The following SOX5 variants were observed in gnomAD, a reference collection of about 807,000 sequenced individuals.
The protein encoded by SOX5 is transcription factor SOX-5.
In SOX5, 9 loss-of-function variants were observed where a neutral mutation model predicts 92.0. That is an observed-to-expected ratio of 0.10 (90% CI 0.06 to 0.17). The LOEUF (loss-of-function observed/expected upper bound fraction) is 0.17. Among genes scored for constraint, SOX5 ranks in the 10% least tolerant of loss-of-function variants. The probability of loss-of-function intolerance (pLI) is 1.00; values close to 1 mark genes in which losing one functional copy is unlikely to be tolerated. For synonymous variants in SOX5, 344 were observed against 336.3 expected (o/e 1.02, Z -0.25); for missense variants, 642 against 944.5 (o/e 0.68, Z 4.20).
chr12:24,086,630 A>G (rs1415638345), intron 4 of SOX5, among the ~76,000 whole-genome samples: 1 of 151,944 alleles, frequency 6.6e-6, no homozygotes, highest in East Asian at 1.9e-4. Flanking sequence ...TACAAACCCA[A>G]TCTTTTGTTT....
At chr12:24,137,231 T>G (rs1950184699) in intron 4 of SOX5, among the ~76,000 whole-genome samples, 1 of 151,504 alleles carries the variant, frequency 6.6e-6, no homozygotes, top group Non-Finnish European at 1.5e-5. Context: ...TAAAGCAAAA[T>G]AATGAATCTA....
At chr12:23,536,791 C>T (rs567931272) in intron 13 of SOX5, 122 bp from the exon 14 acceptor site, 2 of 739,810 alleles carry the variant, frequency 2.7e-6, no homozygotes, top group East Asian at 2.6e-5. Context: ...AATACATAAA[C>T]CTGTTTTTGA....
intron 2 of SOX5, among the ~76,000 whole-genome samples, chr12:24,362,337 C>A (rs1230031697): frequency 6.6e-6 from 1 of 152,184 alleles, no homozygotes; most frequent in African/African-American, 2.4e-5. Flanking sequence ...GTCCCATCAT[C>A]TTTTCACTTG....
chr12:23,718,236 TAAATA>T (rs1004212914), intron 6 of SOX5, among the ~76,000 whole-genome samples: 3 of 152,174 alleles, frequency 2.0e-5, no homozygotes, highest in African/African-American at 7.2e-5. Context: ...ATGAAAAAAA[TAAATA>T]AAATGGTGTA....
intron 8 of SOX5, among the ~76,000 whole-genome samples, chr12:23,632,573 T>C (rs910136263): frequency 9.2e-5 from 14 of 152,134 alleles, no homozygotes; most frequent in African/African-American, 3.4e-4. Context: ...CTGGGAAATA[T>C]GGAGCATTCT....
At chr12:24,120,489 G>A (rs10505936) in intron 4 of SOX5, among the ~76,000 whole-genome samples, 19,291 of 152,084 alleles carry the variant, frequency 0.13, 1,433 homozygotes, top group Admixed American at 0.19. Flanking sequence ...CATACATTTC[G>A]AACTATTCTT....
At chr12:24,375,954 C>T (rs555046438) in intron 1 of SOX5, among the ~76,000 whole-genome samples, 1 of 152,074 alleles carries the variant, frequency 6.6e-6, no homozygotes, top group East Asian at 1.9e-4. Flanking sequence ...TCTTCCCATG[C>T]TATTGAAAAT....
intron 4 of SOX5, among the ~76,000 whole-genome samples, chr12:24,211,961 T>C (rs1247713039): frequency 1.3e-5 from 2 of 152,252 alleles, no homozygotes; most frequent in Non-Finnish European, 2.9e-5. Context: ...GGTTTTAATG[T>C]TTATTTCCAT....
At chr12:24,228,034 C>A (rs547431253) in intron 3 of SOX5, among the ~76,000 whole-genome samples, 1 of 152,184 alleles carries the variant, frequency 6.6e-6, no homozygotes, top group Admixed American at 6.5e-5. Context: ...ATCTGGGGAA[C>A]CGAATGGGTG....
At chr12:23,779,955 C>CTGTGTGTGTGTGTGTG (rs10686652) in intron 3 of SOX5, among the ~76,000 whole-genome samples, 232 of 136,556 alleles carry the variant, frequency 1.7e-3, no homozygotes, top group Middle Eastern at 3.8e-3. Flanking sequence ...CACAGCGAGA[C>CTGTGTGTGTGTGTGTG]TGTGTGTGTG....
chr12:24,528,288 A>T (rs1484343235), intron 1 of SOX5, among the ~76,000 whole-genome samples: 5 of 152,182 alleles, frequency 3.3e-5, no homozygotes, highest in Admixed American at 2.6e-4. Flanking sequence ...TTTTATGGAA[A>T]ATATAAACAG....
At chr12:24,282,630 T>C (rs1022705684) in intron 2 of SOX5, among the ~76,000 whole-genome samples, 3 of 152,158 alleles carry the variant, frequency 2.0e-5, no homozygotes, top group Admixed American at 6.5e-5. Context: ...AGAGATTTTT[T>C]AGTGTTATTT....
At chr12:23,567,203 G>T (rs1373513762) in intron 10 of SOX5, among the ~76,000 whole-genome samples, 1 of 152,094 alleles carries the variant, frequency 6.6e-6, no homozygotes, top group African/African-American at 2.4e-5. Flanking sequence ...ACATATAATG[G>T]TTATCTGATA....
At chr12:24,451,516 T>C (rs1471733903) in intron 1 of SOX5, among the ~76,000 whole-genome samples, 1 of 152,202 alleles carries the variant, frequency 6.6e-6, no homozygotes, top group Non-Finnish European at 1.5e-5. Context: ...TAATATCTCA[T>C]TGTAGTTTTG....
At chr12:24,450,745 C>A (rs1942174394) in intron 1 of SOX5, among the ~76,000 whole-genome samples, 1 of 151,920 alleles carries the variant, frequency 6.6e-6, no homozygotes, top group African/African-American at 2.4e-5. Flanking sequence ...CCCACCTTGG[C>A]CTCCCAAAGT....
chr12:24,395,669 A>G (rs1959736992), intron 1 of SOX5, among the ~76,000 whole-genome samples: 1 of 152,250 alleles, frequency 6.6e-6, no homozygotes, highest in South Asian at 2.1e-4. Context: ...TCAATAAAGC[A>G]TAGCCAGGGT....
At chr12:24,148,679 C>T (rs1168733190) in intron 4 of SOX5, among the ~76,000 whole-genome samples, 1 of 117,572 alleles carries the variant, frequency 8.5e-6, no homozygotes. Flanking sequence ...GTGAGACCCC[C>T]ATCTCTACTA....
At chr12:24,315,304 T>C (rs1949595625) in intron 2 of SOX5, among the ~76,000 whole-genome samples, 2 of 152,202 alleles carry the variant, frequency 1.3e-5, no homozygotes. Context: ...CTATTTTTTC[T>C]TCCTATGCAC....
chr12:24,086,974 C>T (rs1174923663), intron 4 of SOX5, among the ~76,000 whole-genome samples: 1 of 152,060 alleles, frequency 6.6e-6, no homozygotes, highest in Non-Finnish European at 1.5e-5. Context: ...GTTCTAAGAT[C>T]ATTAAACAAA....
Sources: gnomAD v4.1 joint callset for allele counts (sites outside exome capture counted in the v4.1 genomes callset) on GRCh38, gnomAD v4.1.1 for gene constraint, MANE v1.5 for transcripts, NCBI Gene and HGNC (gene_info 2026-07-23, HGNC 2026-07-21) for gene names.